STK32C: variants seen among roughly 807,000 people sequenced by gnomAD.
The protein encoded by STK32C is serine/threonine kinase 32C, also known as serine/threonine-protein kinase 32C.
Under a neutral mutation model 56.5 loss-of-function variants are expected in STK32C, and 31 were observed. That is an observed-to-expected ratio of 0.55 (90% CI 0.41 to 0.74). STK32C has a LOEUF of 0.74. STK32C is among the 30% of genes least tolerant of loss of function. STK32C has a pLI of 0.00. For missense variants in STK32C, 544 were observed against 676.9 expected (o/e 0.80, Z 2.18); for synonymous variants, 309 against 289.4 (o/e 1.07, Z -0.69).
At chr10:132,316,626 A>G (rs1564801271) in intron 1 of STK32C, among the ~76,000 whole-genome samples, 1 of 152,276 alleles carries the variant, frequency 6.6e-6, no homozygotes, top group East Asian at 1.9e-4. Flanking sequence ...CTAAAAGATC[A>G]GGAAAATCAG....
At chr10:132,240,087 A>AC (rs755782724) in intron 2 of STK32C, among the ~76,000 whole-genome samples, 5 of 149,776 alleles carry the variant, frequency 3.3e-5, no homozygotes, top group Non-Finnish European at 7.4e-5. Flanking sequence ...CCCAAAGAAG[A>AC]CCCCCAGGGA....
intron 1 of STK32C, among the ~76,000 whole-genome samples, chr10:132,261,909 A>G (rs2064318040): frequency 6.6e-6 from 1 of 152,196 alleles, no homozygotes; most frequent in African/African-American, 2.4e-5. Context: ...CTATCAAACT[A>G]CAAAGTCATT....
rs768076372 is a variant in STK32C, at chr10:132,226,902, G to A, written c.537C>T (p.Arg179=). The A allele has an allele frequency of 7.4e-6, 12 of 1,613,364 alleles. No homozygotes were observed. In the Admixed American group the frequency reaches 1.8e-4, roughly 25 times the overall value. Residue 179 remains arginine, a synonymous_variant, in exon 4 of 12, where the codon CGC becomes CGT. Coordinates refer to ENST00000298630, the MANE Select transcript of STK32C (RefSeq NM_173575.4). ...VVDLLLGGDL[R]YHLQQNVQFS... ...ACTGCACGTTCTGCTGCAGGTGGTAGCGCAGGTCCCCGCCCAGTAGCAGGT... is the reference window on the plus strand; with the variant it reads ...ACTGCACGTTCTGCTGCAGGTGGTAACGCAGGTCCCCGCCCAGTAGCAGGT...
chr10:132,224,594 G>C, intron 7 of STK32C, 71 bp from the exon 8 acceptor site: 1 of 1,182,898 alleles, frequency 8.5e-7, no homozygotes, highest in East Asian at 2.5e-5. Flanking sequence ...GCCAGACACA[G>C]GTGCCATCGC....
At position 132,307,729 on chromosome 10, in the gene STK32C, C is replaced by T. The variant is rs759047707; in HGVS notation, c.105G>A (p.Leu35=). 8.2e-7 allele frequency: 1 copy of T among 1,215,710 alleles called. No homozygotes were observed. Among genetic ancestry groups the T allele is most frequent in the Non-Finnish European group, 1.0e-6 (1 of 969,662 alleles). 75.3% of individuals were successfully genotyped at this position (1,215,710 alleles called of 1,614,324 possible). Residue 35 remains leucine, a synonymous_variant, in exon 1 of 12, where the codon CTG becomes CTA. Transcript: ENST00000298630. This position sits in a 1 kb window ranked among gnomAD's most constrained non-coding sequence, Gnocchi z 4.4. ...GGGGCTGGCCAGCAGCGGGCGGCGG[C>T]AGGGCCGAGGGCGCGTCGGAGCCGG... ...RPAGSDAPSA[L]PPPAAGQPRA...
At chr10:132,324,407 C>CA (rs753837773) in intron 1 of STK32C, 59 of 760,922 alleles carry the variant, frequency 7.8e-5, no homozygotes, top group Non-Finnish European at 1.4e-4. Context: ...CTTCACTTTG[C>CA]AGTCTGAACT....
chr10:132,301,976 G>A (rs1186081415), intron 1 of STK32C, among the ~76,000 whole-genome samples: 6 of 152,238 alleles, frequency 3.9e-5, no homozygotes, highest in Admixed American at 3.9e-4. Context: ...CCGCGGGCCA[G>A]CAGCGCTGGC....
At chr10:132,241,227 C>G (rs2063488913) in intron 2 of STK32C, among the ~76,000 whole-genome samples, 1 of 152,218 alleles carries the variant, frequency 6.6e-6, no homozygotes, top group African/African-American at 2.4e-5. Context: ...ACTCCTCCAG[C>G]CAGAAGCACA....
At chr10:132,257,178 A>G (rs114564298) in intron 1 of STK32C, among the ~76,000 whole-genome samples, 1,809 of 152,250 alleles carry the variant, frequency 0.012, 52 homozygotes, top group African/African-American at 0.041. Context: ...GATACAGGAC[A>G]TGCCCTGAAA....
At chr10:132,326,730 G>A (rs2066506521) in intron 1 of STK32C, among the ~76,000 whole-genome samples, 1 of 152,068 alleles carries the variant, frequency 6.6e-6, no homozygotes, top group African/African-American at 2.4e-5. Flanking sequence ...TCTGAACTAG[G>A]AAGCGCGCCC....
upstream of STK32C, among the ~76,000 whole-genome samples, chr10:132,309,352 C>T (rs1469366576): frequency 2.0e-5 from 3 of 151,886 alleles, no homozygotes; most frequent in Non-Finnish European, 4.4e-5. Flanking sequence ...GACATGCACC[C>T]GCCTGGACAT....
intron 1 of STK32C, among the ~76,000 whole-genome samples, chr10:132,279,707 C>CACTCCACTCCGTGATCAT (rs1564771436): frequency 6.8e-6 from 1 of 146,948 alleles, no homozygotes; most frequent in African/African-American, 2.6e-5. Context: ...TCCGTGATCA[C>CACTCCACTCCGTGATCAT]GACACTCCAC....
At position 132,207,649 on chromosome 10, in the gene STK32C, G is replaced by A. The variant is rs1426782152; in HGVS notation, c.*361C>T. 2 of 209,140 alleles carry A rather than the reference G, an allele frequency of 9.6e-6. No homozygotes were observed. The highest frequency in any genetic ancestry group is 1.9e-5 in the Non-Finnish European group (2 of 105,816). 13.0% of individuals were successfully genotyped at this position (209,140 alleles called of 1,614,324 possible). A position where few individuals can be genotyped will look rare whatever the true frequency, so the allele number is the denominator to read the frequency against. On this transcript the variant is annotated 3_prime_UTR_variant, in exon 12 of 12. Transcript: ENST00000298630. ...GCCTGGGGCACCCGCGGCCTGTGCT[G>A]CAAGGGTCACCTTGTGACGAGGGCC...
intron 1 of STK32C, among the ~76,000 whole-genome samples, chr10:132,286,350 A>G (rs1409850134): frequency 1.3e-5 from 2 of 152,206 alleles, no homozygotes. Flanking sequence ...ATGTTAGAAA[A>G]CATTTAATGG....
chr10:132,222,833 C>T (rs1214548613), intron 9 of STK32C, 28 bp downstream of exon 9: 1 of 1,590,816 alleles, frequency 6.3e-7, no homozygotes, highest in South Asian at 1.1e-5. Context: ...TCCCCAGGGC[C>T]CCCCACCTGA....
intron 1 of STK32C, among the ~76,000 whole-genome samples, chr10:132,317,129 G>T (rs1056922844): frequency 6.6e-6 from 1 of 151,952 alleles, no homozygotes; most frequent in African/African-American, 2.4e-5. Context: ...TTATCTACAA[G>T]AGAAACTGAA....
chr10:132,214,119 C>A (rs751034088), intron 10 of STK32C, among the ~76,000 whole-genome samples: 1 of 136,878 alleles, frequency 7.3e-6, no homozygotes, highest in African/African-American at 2.7e-5. Context: ...TGGGAATTTT[C>A]TGAAATTAAT....
At chr10:132,247,042 A>C (rs537883261) in intron 1 of STK32C, among the ~76,000 whole-genome samples, 7 of 152,322 alleles carry the variant, frequency 4.6e-5, no homozygotes, top group African/African-American at 1.7e-4. Context: ...TCTCTGGGGA[A>C]TTCGACAGCT....
chr10:132,274,156 G>A (rs371280247), intron 1 of STK32C, among the ~76,000 whole-genome samples: 3 of 152,204 alleles, frequency 2.0e-5, no homozygotes, highest in South Asian at 4.1e-4. Context: ...TGCTCAGGAC[G>A]GGACCAGACA....
Sources: gnomAD v4.1 joint callset for allele counts (sites outside exome capture counted in the v4.1 genomes callset) on GRCh38, gnomAD v4.1.1 for gene constraint, Gnocchi (gnomAD v3.1) non-coding constraint, MANE v1.5 for transcripts, NCBI Gene and HGNC (gene_info 2026-07-23, HGNC 2026-07-21) for gene names.